The following NBEA variants were observed in gnomAD, a reference collection of about 807,000 sequenced individuals.
NBEA encodes lysosomal-trafficking regulator 2.
Under a neutral mutation model 343.4 loss-of-function variants are expected in NBEA, and 44 were observed. The ratio of observed to expected loss-of-function variants is 0.13; its 90% CI spans 0.10 to 0.16. NBEA has a LOEUF of 0.16. Among genes scored for constraint, NBEA ranks in the 10% least tolerant of loss-of-function variants. The pLI is 1.00. For missense variants in NBEA, 2,555 were observed against 3,631.3 expected, an observed-to-expected ratio of 0.70 and a Z score of 7.62; for synonymous variants, 1,175 against 1,238.7, an observed-to-expected ratio of 0.95 and a Z score of 1.08.
At chr13:35,208,011 G>C (rs950368688) in intron 31 of NBEA, among the ~76,000 whole-genome samples, 2 of 152,106 alleles carry the variant, frequency 1.3e-5, no homozygotes, top group African/African-American at 4.8e-5. Context: ...CCTGAGGTCA[G>C]GAGTTTGAGA....
At chr13:35,028,223 A>T (rs1479823547) in intron 1 of NBEA, among the ~76,000 whole-genome samples, 1 of 151,948 alleles carries the variant, frequency 6.6e-6, no homozygotes, top group Non-Finnish European at 1.5e-5. Context: ...TCCGGGATTT[A>T]TAGAAAATGC....
At chr13:35,333,319 A>C (rs557662194) in intron 36 of NBEA, among the ~76,000 whole-genome samples, 1 of 152,200 alleles carries the variant, frequency 6.6e-6, no homozygotes, top group Non-Finnish European at 1.5e-5. Context: ...TTTTTAAAAT[A>C]CAAGTTGGAA....
At chr13:34,988,155 T>G (rs1668596136) in intron 1 of NBEA, among the ~76,000 whole-genome samples, 1 of 150,918 alleles carries the variant, frequency 6.6e-6, no homozygotes, top group South Asian at 2.1e-4. Context: ...GCCTAATCTT[T>G]CCTCTGGAAG....
At chr13:35,556,576 C>T (rs2153018166) in intron 44 of NBEA, among the ~76,000 whole-genome samples, 1 of 151,870 alleles carries the variant, frequency 6.6e-6, no homozygotes, top group East Asian at 1.9e-4. Context: ...CTTTTTTGCT[C>T]AGTGCTCTTG....
chr13:34,949,941 G>T (rs1483781063), intron 1 of NBEA, among the ~76,000 whole-genome samples: 1 of 152,144 alleles, frequency 6.6e-6, no homozygotes, highest in Non-Finnish European at 1.5e-5. Flanking sequence ...GTAGTTATAT[G>T]TATGAAAAGA....
intron 44 of NBEA, among the ~76,000 whole-genome samples, chr13:35,556,347 G>A (rs1395405043): frequency 1.3e-5 from 2 of 152,052 alleles, no homozygotes; most frequent in Admixed American, 6.6e-5. Flanking sequence ...CCAAAGAGAA[G>A]AGGGAGAGAA....
At chr13:35,512,023 A>G (rs529025883) in intron 41 of NBEA, among the ~76,000 whole-genome samples, 24 of 152,352 alleles carry the variant, frequency 1.6e-4, no homozygotes, top group Admixed American at 1.4e-3. Context: ...TGACTAAGCT[A>G]TGCAGTGACT....
intron 47 of NBEA, among the ~76,000 whole-genome samples, chr13:35,604,941 G>GGCCAGAC (rs2082224257): frequency 1.3e-5 from 2 of 152,026 alleles, no homozygotes; most frequent in Admixed American, 1.3e-4. Context: ...CTGCTATTGT[G>GGCCAGAC]TATTATAACC....
intron 34 of NBEA, 95 bp from the exon 35 acceptor site, chr13:35,290,293 GT>G (rs910346686): frequency 7.4e-5 from 58 of 779,574 alleles, no homozygotes; most frequent in African/African-American, 9.0e-5. Context: ...TTAAAAGAAA[GT>G]TTTTTTTATA....
intron 8 of NBEA, among the ~76,000 whole-genome samples, chr13:35,069,143 G>A (rs749157943): frequency 2.0e-5 from 3 of 152,058 alleles, no homozygotes; most frequent in African/African-American, 2.4e-5. Context: ...TTAGAATTAC[G>A]TGCTGGCCCC....
intron 1 of NBEA, among the ~76,000 whole-genome samples, chr13:34,982,270 T>G (rs1483540493): frequency 6.6e-6 from 1 of 151,976 alleles, no homozygotes; most frequent in Non-Finnish European, 1.5e-5. Flanking sequence ...GTGTTGTTTT[T>G]GAAGGCATTT....
intron 41 of NBEA, among the ~76,000 whole-genome samples, chr13:35,546,002 A>G (rs142515521): frequency 3.3e-5 from 5 of 152,234 alleles, no homozygotes; most frequent in African/African-American, 9.6e-5. Context: ...TTTCTTTAGA[A>G]CCTTCCCCAT....
intron 38 of NBEA, among the ~76,000 whole-genome samples, chr13:35,386,726 A>C (rs895199596): frequency 8.5e-5 from 13 of 152,290 alleles, no homozygotes; most frequent in African/African-American, 2.4e-4. Context: ...ACAAACCTGA[A>C]TTTCATTTGA....
intron 55 of NBEA, among the ~76,000 whole-genome samples, chr13:35,664,870 G>A (rs2085275064): frequency 6.6e-6 from 1 of 152,236 alleles, no homozygotes; most frequent in Non-Finnish European, 1.5e-5. Context: ...ACGTTAACTT[G>A]TCCTGTCATC....
chr13:35,148,380 A>G (rs2068569193), intron 18 of NBEA, among the ~76,000 whole-genome samples: 1 of 152,210 alleles, frequency 6.6e-6, no homozygotes, highest in Non-Finnish European at 1.5e-5. Context: ...TGGAGATTAT[A>G]TGATCCACAA....
intron 22 of NBEA, among the ~76,000 whole-genome samples, chr13:35,160,661 G>T (rs1345936210): frequency 6.6e-6 from 1 of 152,136 alleles, no homozygotes; most frequent in Non-Finnish European, 1.5e-5. Flanking sequence ...CACATGAATA[G>T]AAATTTGTTA....
chr13:35,392,418 A>G (rs971730552), intron 38 of NBEA, among the ~76,000 whole-genome samples: 1 of 151,716 alleles, frequency 6.6e-6, no homozygotes, highest in Non-Finnish European at 1.5e-5. Flanking sequence ...TAATATGCCT[A>G]TAGGAAACAT....
At chr13:35,623,049 G>C (rs951711252) in intron 48 of NBEA, among the ~76,000 whole-genome samples, 7 of 152,046 alleles carry the variant, frequency 4.6e-5, no homozygotes, top group Non-Finnish European at 7.4e-5. Context: ...AGATCCCCAG[G>C]GTAGAGCTCT....
At chr13:35,092,859 A>G (rs1566273591) in intron 10 of NBEA, among the ~76,000 whole-genome samples, 1 of 152,020 alleles carries the variant, frequency 6.6e-6, no homozygotes, top group Non-Finnish European at 1.5e-5. Flanking sequence ...ATTTATGAGA[A>G]ATGAATGGAA....
Sources: gnomAD v4.1 joint callset for allele counts (sites outside exome capture counted in the v4.1 genomes callset) on GRCh38, gnomAD v4.1.1 for gene constraint, MANE v1.5 for transcripts, NCBI Gene and HGNC (gene_info 2026-07-23, HGNC 2026-07-21) for gene names.